Variants in FRMD5 observed in about 807,000 individuals in gnomAD.
The protein encoded by FRMD5 is FERM domain containing 5.
Under a neutral mutation model 69.0 loss-of-function variants are expected in FRMD5, and 20 were observed. That is an observed-to-expected ratio of 0.29 (90% CI 0.20 to 0.42). The LOEUF is 0.42. Among genes scored for constraint, FRMD5 ranks in the 10% least tolerant of loss-of-function variants. FRMD5 has a pLI of 1.00. For missense variants in FRMD5, 595 were observed against 708.6 expected (o/e 0.84, Z 1.82); for synonymous variants, 271 against 260.1 (o/e 1.04, Z -0.40).
intron 1 of FRMD5, among the ~76,000 whole-genome samples, chr15:43,972,304 C>A (rs1179698363): frequency 6.6e-6 from 1 of 151,844 alleles, no homozygotes; most frequent in African/African-American, 2.4e-5. Flanking sequence ...CCTTTAAATG[C>A]ATCAATATAT....
chr15:44,161,554 T>C (rs1470975727), intron 1 of FRMD5, among the ~76,000 whole-genome samples: 3 of 152,206 alleles, frequency 2.0e-5, no homozygotes, highest in Non-Finnish European at 2.9e-5. Context: ...AATTTTCCAA[T>C]AAAATACAAT....
rs1244761283 is a variant in FRMD5, at chr15:43,990,062, G to A, written c.103-65753C>T. The A allele has an allele frequency of 2.8e-5, 20 of 721,168 alleles. No homozygotes were observed. In the East Asian group the frequency reaches 4.4e-4, roughly 16 times the overall value. 44.7% of individuals were successfully genotyped at this position (721,168 alleles called of 1,614,324 possible). A position where few individuals can be genotyped will look rare whatever the true frequency, so the allele number is the denominator to read the frequency against. ...TGACCCATGCCCACCGTCACGCCCTGGTGTCTGGGGCGCCCCACAATGAAG... is the reference window on the plus strand; with the variant it reads ...TGACCCATGCCCACCGTCACGCCCTAGTGTCTGGGGCGCCCCACAATGAAG... On this transcript the variant is annotated intron_variant, in intron 1 of 13. Coordinates refer to ENST00000417257, the MANE Select transcript of FRMD5 (RefSeq NM_032892.5).
chr15:43,936,320 T>C (rs1420498746), intron 1 of FRMD5, among the ~76,000 whole-genome samples: 1 of 152,182 alleles, frequency 6.6e-6, no homozygotes, highest in Non-Finnish European at 1.5e-5. Flanking sequence ...AGCCTCAGAA[T>C]AGCTGGAATC....
At chr15:44,025,505 C>T (rs891358589) in intron 1 of FRMD5, among the ~76,000 whole-genome samples, 18 of 152,102 alleles carry the variant, frequency 1.2e-4, no homozygotes, top group Middle Eastern at 3.4e-3. Context: ...ATGCAGTCTG[C>T]CAAAGTATAG....
intron 1 of FRMD5, among the ~76,000 whole-genome samples, chr15:44,045,574 G>T (rs924819498): frequency 6.6e-6 from 1 of 152,054 alleles, no homozygotes; most frequent in African/African-American, 2.4e-5. Context: ...AATTCAACAT[G>T]GAAGATCAGA....
chr15:43,926,565 C>T (rs1233197365), intron 1 of FRMD5, among the ~76,000 whole-genome samples: 1 of 152,106 alleles, frequency 6.6e-6, no homozygotes, highest in Non-Finnish European at 1.5e-5. Context: ...TCTGCTAACT[C>T]ACCACATACT....
chr15:43,908,238 G>C (rs1339355092), intron 5 of FRMD5, among the ~76,000 whole-genome samples: 2 of 151,484 alleles, frequency 1.3e-5, no homozygotes, highest in African/African-American at 4.9e-5. Context: ...TGAGGTGGGA[G>C]GATCACTTGA....
intron 1 of FRMD5, among the ~76,000 whole-genome samples, chr15:43,929,874 G>A (rs576899228): frequency 6.6e-6 from 1 of 152,296 alleles, no homozygotes; most frequent in African/African-American, 2.4e-5. Context: ...GGGCATGAGT[G>A]GCATGCCGAT....
At chr15:43,875,883 C>A in intron 13 of FRMD5, 1 of 563,200 alleles carries the variant, frequency 1.8e-6, no homozygotes, top group Non-Finnish European at 3.4e-6. Context: ...AATATGATAT[C>A]CAAATTTTGT....
At chr15:44,137,808 T>C (rs1169914445) in intron 1 of FRMD5, among the ~76,000 whole-genome samples, 5 of 152,050 alleles carry the variant, frequency 3.3e-5, no homozygotes, top group African/African-American at 9.7e-5. Context: ...TCAACTTCTG[T>C]AGGTCAATGA....
At chr15:43,978,342 T>C (rs1256969087) in intron 1 of FRMD5, among the ~76,000 whole-genome samples, 4 of 152,146 alleles carry the variant, frequency 2.6e-5, no homozygotes, top group African/African-American at 9.7e-5. Context: ...TACCAAGTGT[T>C]GGCAAGCATT....
chr15:43,992,614 G>A (rs1889739851), intron 1 of FRMD5, among the ~76,000 whole-genome samples: 1 of 152,150 alleles, frequency 6.6e-6, no homozygotes, highest in African/African-American at 2.4e-5. Flanking sequence ...CTGATCTCAG[G>A]TGACCCACCT....
At chr15:44,150,601 G>A (rs1445599292) in intron 1 of FRMD5, among the ~76,000 whole-genome samples, 2 of 150,902 alleles carry the variant, frequency 1.3e-5, no homozygotes, top group African/African-American at 4.8e-5. Context: ...GCAACACAGT[G>A]AGAGACCCTG....
In FRMD5 at chr15:44,077,898, T is replaced by A. The variant is rs557535028; in HGVS notation, c.102+117055A>T. On this transcript the variant is annotated intron_variant, in intron 1 of 13. Transcript: ENST00000417257. ...TCTAAAAGCTCTCATGATTTATACATCCTTAAATAACAAAAGGTAGCCCCT... is the reference window on the plus strand; with the variant it reads ...TCTAAAAGCTCTCATGATTTATACAACCTTAAATAACAAAAGGTAGCCCCT... Among the ~76,000 whole-genome samples, 3 of 152,252 alleles carry A rather than the reference T, an allele frequency of 2.0e-5. No homozygotes were observed. In the South Asian group the frequency reaches 6.2e-4, roughly 32 times the overall value.
At chr15:43,975,286 T>G (rs1347996069) in intron 1 of FRMD5, among the ~76,000 whole-genome samples, 2 of 152,192 alleles carry the variant, frequency 1.3e-5, no homozygotes, top group Non-Finnish European at 1.5e-5. Flanking sequence ...AAAGAGGTAT[T>G]TGCCTCAATA....
chr15:43,923,232 G>C (rs2089527388), intron 2 of FRMD5, among the ~76,000 whole-genome samples: 3 of 152,220 alleles, frequency 2.0e-5, no homozygotes, highest in African/African-American at 4.8e-5. Flanking sequence ...GTAGGCCTGT[G>C]CTAGTTAAAT....
At chr15:44,168,853 G>A (rs999059693) in intron 1 of FRMD5, among the ~76,000 whole-genome samples, 1 of 152,114 alleles carries the variant, frequency 6.6e-6, no homozygotes, top group African/African-American at 2.4e-5. Context: ...CTTCTGCCAA[G>A]GTGACTAAAC....
Position 44,167,417 on chromosome 15 carries a change from G to C in FRMD5, c.102+27536C>G, listed in dbSNP as rs942166337. 6.6e-5 allele frequency among the ~76,000 whole-genome samples: 10 copies of C among 152,158 alleles called. No homozygotes were observed. In the South Asian group the frequency reaches 1.2e-3, roughly 19 times the overall value. On this transcript the variant is annotated intron_variant, in intron 1 of 13. Transcript: ENST00000417257. Reference sequence around the variant, plus strand: ...AGAGAACATTACTGATTGTGGTTCAGGAAGGAGAGTGTAGTAACAAATACT... The same window carrying C: ...AGAGAACATTACTGATTGTGGTTCACGAAGGAGAGTGTAGTAACAAATACT...
intron 1 of FRMD5, among the ~76,000 whole-genome samples, chr15:43,952,037 T>C (rs1441482673): frequency 6.7e-6 from 1 of 149,448 alleles, no homozygotes; most frequent in Admixed American, 6.7e-5. Flanking sequence ...TGTGTGTGTG[T>C]GTGTTTCAGA....
Sources: gnomAD v4.1 joint callset for allele counts (sites outside exome capture counted in the v4.1 genomes callset) on GRCh38, gnomAD v4.1.1 for gene constraint, MANE v1.5 for transcripts, NCBI Gene and HGNC (gene_info 2026-07-23, HGNC 2026-07-21) for gene names.